The following DPP6 variants were observed in gnomAD, a reference collection of about 807,000 sequenced individuals.
DPP6 encodes A-type potassium channel modulatory protein DPP6.
Under a neutral mutation model 122.6 loss-of-function variants are expected in DPP6, and 69 were observed. The observed-to-expected ratio is 0.56, with a 90% CI of 0.46 to 0.69. The LOEUF (loss-of-function observed/expected upper bound fraction) is 0.69. Ranked by LOEUF, DPP6 falls within the 30% of genes least tolerant of loss-of-function variation. The pLI is 0.00. For synonymous variants in DPP6, 418 were observed against 433.1 expected, an observed-to-expected ratio of 0.97 and a Z score of 0.43; for missense variants, 928 against 1,116.9, an observed-to-expected ratio of 0.83 and a Z score of 2.41.
At chr7:154,174,856 A>T (rs1585553145) in intron 1 of DPP6, among the ~76,000 whole-genome samples, 1 of 147,988 alleles carries the variant, frequency 6.8e-6, no homozygotes, top group African/African-American at 2.5e-5. Flanking sequence ...ATTTCTTCAC[A>T]GCCCAATTTC....
At chr7:153,886,033 AAAT>A (rs1293437816), upstream of DPP6, among the ~76,000 whole-genome samples, 2 of 151,896 alleles carry the variant, frequency 1.3e-5, no homozygotes, top group African/African-American at 4.8e-5. Flanking sequence ...TTGTGAATGT[AAAT>A]AATGGAAAAG....
At chr7:154,349,924 C>T (rs988964740) in intron 1 of DPP6, among the ~76,000 whole-genome samples, 6 of 152,150 alleles carry the variant, frequency 3.9e-5, no homozygotes, top group Non-Finnish European at 5.9e-5. Flanking sequence ...CATGGGTAAT[C>T]CTTTGAGTCA....
chr7:153,811,322 A>C, the DPP6 span, among the ~76,000 whole-genome samples: 1 of 152,122 alleles, frequency 6.6e-6, no homozygotes, highest in Non-Finnish European at 1.5e-5. Flanking sequence ...TTAAAATACA[A>C]GTTGCTCTGG....
At chr7:154,653,456 CAGAT>C (rs1247350231) in intron 6 of DPP6, among the ~76,000 whole-genome samples, 17 of 151,826 alleles carry the variant, frequency 1.1e-4, no homozygotes, top group Admixed American at 4.6e-4. Flanking sequence ...GGATAGATGA[CAGAT>C]AGACATATAG....
At chr7:154,154,399 C>T (rs542385451) in intron 1 of DPP6, among the ~76,000 whole-genome samples, 1 of 152,196 alleles carries the variant, frequency 6.6e-6, no homozygotes, top group Non-Finnish European at 1.5e-5. Flanking sequence ...AATGATAATT[C>T]AGCTGCCTGG....
At chr7:154,787,118 C>A (rs549115639) in intron 10 of DPP6, among the ~76,000 whole-genome samples, 70 of 152,294 alleles carry the variant, frequency 4.6e-4, no homozygotes, top group African/African-American at 1.7e-3. Flanking sequence ...TGTGATAAAT[C>A]TACTAACTTA....
intron 1 of DPP6, among the ~76,000 whole-genome samples, chr7:154,404,493 G>A (rs1815904010): frequency 6.6e-6 from 1 of 152,138 alleles, no homozygotes; most frequent in African/African-American, 2.4e-5. Flanking sequence ...AGCTACGGGA[G>A]TGCCCATATG....
chr7:154,228,343 G>A (rs7789531), intron 1 of DPP6, among the ~76,000 whole-genome samples: 7,324 of 152,172 alleles, frequency 0.048, 584 homozygotes, highest in African/African-American at 0.17. Flanking sequence ...AAACCATCTC[G>A]AAGTCCTCAT....
At chr7:153,782,545 G>T in the DPP6 span, among the ~76,000 whole-genome samples, 1 of 152,088 alleles carries the variant, frequency 6.6e-6, no homozygotes, top group African/African-American at 2.4e-5. Context: ...TTAGCGTGTG[G>T]GCCCTTTCTG....
chr7:154,345,455 G>A (rs941059020), intron 1 of DPP6, among the ~76,000 whole-genome samples: 1 of 152,182 alleles, frequency 6.6e-6, no homozygotes, highest in African/African-American at 2.4e-5. Context: ...GCATGTCATT[G>A]CAATTCTTAT....
chr7:153,819,130 A>T, the DPP6 span, among the ~76,000 whole-genome samples: 4 of 90,480 alleles, frequency 4.4e-5, no homozygotes, highest in African/African-American at 4.4e-5. Flanking sequence ...CAGGTTTGTT[A>T]TATAGGTAAA....
intron 1 of DPP6, among the ~76,000 whole-genome samples, chr7:154,365,898 C>G (rs996400787): frequency 6.3e-5 from 9 of 141,952 alleles, no homozygotes; most frequent in African/African-American, 2.4e-4. Context: ...GCGGAGCTTG[C>G]AGTGAGCCGA....
intron 1 of DPP6, among the ~76,000 whole-genome samples, chr7:153,984,619 T>C (rs1194482671): frequency 6.6e-6 from 1 of 152,174 alleles, no homozygotes; most frequent in Non-Finnish European, 1.5e-5. Flanking sequence ...GAGTTTTGCA[T>C]TCGCATAGCT....
chr7:154,748,373 T>G (rs1843136929), intron 8 of DPP6, among the ~76,000 whole-genome samples: 1 of 152,176 alleles, frequency 6.6e-6, no homozygotes, highest in South Asian at 2.1e-4. Flanking sequence ...ATCGGGGGTC[T>G]CCGGGTCTGG....
chr7:154,673,774 C>T (rs1216204407), intron 7 of DPP6, among the ~76,000 whole-genome samples: 1 of 152,204 alleles, frequency 6.6e-6, no homozygotes, highest in African/African-American at 2.4e-5. Context: ...GAAACATAAA[C>T]GTTCAAAACA....
chr7:153,799,774 C>A, the DPP6 span, among the ~76,000 whole-genome samples: 1 of 152,148 alleles, frequency 6.6e-6, no homozygotes, highest in Non-Finnish European at 1.5e-5. Context: ...CTGTCTCATT[C>A]TATTATCCCA....
At position 154,389,846 on chromosome 7, in the gene DPP6, T is replaced by C. The variant is rs76507256; in HGVS notation, c.244-56368T>C. On this transcript the variant is annotated intron_variant, in intron 1 of 25. Coordinates refer to ENST00000377770, the MANE Select transcript of DPP6 (RefSeq NM_130797.4). The stretch of plus-strand genomic sequence containing the variant: ...AGGATTAAATACCTAAGCTTTGAAG[T>C]TGGATGGGTGATTATTACAAAAGCC... Among the ~76,000 whole-genome samples the C allele has an allele frequency of 2.0e-5, 3 of 152,340 alleles. No individual in the cohort carries two copies. The South Asian group carries it at 6.2e-4, about 32-fold the overall frequency.
rs533117147 is a variant in DPP6, at chr7:154,796,551, G to A, written c.1299+668G>A. ...GTCTCATTCCACACTCTGACACTAA[G>A]AAGAACAGGTGAAAAAGCTTTGGAA... On this transcript the variant is annotated intron_variant, in intron 12 of 25. Transcript: ENST00000377770. 2.7e-3 allele frequency among the ~76,000 whole-genome samples: 408 copies of A among 152,300 alleles called. 3 individuals carry two copies. Among genetic ancestry groups the A allele is most frequent in the Non-Finnish European group, 4.3e-3 (295 of 68,020 alleles).
chr7:154,805,670 G>A (rs1161626752), intron 15 of DPP6, among the ~76,000 whole-genome samples: 1 of 152,202 alleles, frequency 6.6e-6, no homozygotes, highest in African/African-American at 2.4e-5. Flanking sequence ...TCTGAACCCT[G>A]GAGGGGGACT....
Sources: gnomAD v4.1 joint callset for allele counts (sites outside exome capture counted in the v4.1 genomes callset) on GRCh38, gnomAD v4.1.1 for gene constraint, MANE v1.5 for transcripts, NCBI Gene and HGNC (gene_info 2026-07-23, HGNC 2026-07-21) for gene names.